KCNIP4: variants seen among roughly 807,000 people sequenced by gnomAD.
KCNIP4 encodes the protein Kv channel-interacting protein 4.
In KCNIP4, 12 loss-of-function variants were observed where a neutral mutation model predicts 34.0. The observed-to-expected ratio is 0.35, with a 90% CI of 0.23 to 0.57. The LOEUF is 0.57. KCNIP4 is among the 20% of genes least tolerant of loss of function. The pLI is 0.83. For synonymous variants in KCNIP4, 124 were observed against 102.2 expected (o/e 1.21, Z -1.29); for missense variants, 238 against 311.7 (o/e 0.76, Z 1.78).
At chr4:21,204,040 T>C (rs1756678688) in intron 1 of KCNIP4, among the ~76,000 whole-genome samples, 2 of 152,224 alleles carry the variant, frequency 1.3e-5, no homozygotes, top group South Asian at 4.1e-4. Context: ...TGGTTTCCAT[T>C]GCAAGGCATG....
intron 1 of KCNIP4, among the ~76,000 whole-genome samples, chr4:20,964,778 T>G (rs114146195): frequency 2.0e-5 from 3 of 152,132 alleles, no homozygotes; most frequent in African/African-American, 4.8e-5. Context: ...TTGAAGAAAA[T>G]CTAGAGCTAA....
chr4:20,859,127 C>T (rs1721927340), intron 2 of KCNIP4, among the ~76,000 whole-genome samples: 1 of 152,152 alleles, frequency 6.6e-6, no homozygotes, highest in South Asian at 2.1e-4. Context: ...CAGGAGATCA[C>T]CAGACCAGCA....
At chr4:20,947,236 T>C (rs915329479) in intron 1 of KCNIP4, among the ~76,000 whole-genome samples, 1 of 152,182 alleles carries the variant, frequency 6.6e-6, no homozygotes, top group African/African-American at 2.4e-5. Flanking sequence ...TGGTGCCATC[T>C]CGGCTCACCA....
intron 1 of KCNIP4, among the ~76,000 whole-genome samples, chr4:21,946,092 A>C (rs1730498506): frequency 6.6e-6 from 1 of 151,206 alleles, no homozygotes; most frequent in East Asian, 2.0e-4. Context: ...CAGAATTGCA[A>C]CTCGACTCTG....
intron 1 of KCNIP4, among the ~76,000 whole-genome samples, chr4:21,815,384 G>A (rs1367154253): frequency 6.6e-6 from 1 of 152,110 alleles, no homozygotes; most frequent in African/African-American, 2.4e-5. Context: ...AATGTTATAA[G>A]TTAGGTACCA....
chr4:21,295,545 C>T (rs1763789474), intron 1 of KCNIP4, among the ~76,000 whole-genome samples: 1 of 152,124 alleles, frequency 6.6e-6, no homozygotes, highest in African/African-American at 2.4e-5. Context: ...CTACACTAGC[C>T]TGCCTGTGCT....
intron 1 of KCNIP4, among the ~76,000 whole-genome samples, chr4:21,381,047 G>A (rs528679175): frequency 6.6e-6 from 1 of 152,296 alleles, no homozygotes; most frequent in South Asian, 2.1e-4. Context: ...AAAGGCAGCT[G>A]TGGGTGAAAT....
chr4:20,790,898 AAGAGAG>A (rs145551015), intron 3 of KCNIP4, among the ~76,000 whole-genome samples: 4 of 151,962 alleles, frequency 2.6e-5, no homozygotes, highest in African/African-American at 9.6e-5. Context: ...AAAGGAAGAA[AAGAGAG>A]AGAGAGAGAT....
At chr4:21,515,512 G>A (rs184848006) in intron 1 of KCNIP4, among the ~76,000 whole-genome samples, 12 of 152,162 alleles carry the variant, frequency 7.9e-5, no homozygotes, top group Admixed American at 3.3e-4. Flanking sequence ...CGTTGCAGGC[G>A]CCTGTAGTCC....
intron 1 of KCNIP4, among the ~76,000 whole-genome samples, chr4:20,935,549 G>T (rs1416969622): frequency 1.3e-5 from 2 of 152,024 alleles, no homozygotes; most frequent in Non-Finnish European, 2.9e-5. Context: ...TTCTGTCCAA[G>T]TTTTCCACCC....
At chr4:20,818,422 GA>G (rs1716685146) in intron 3 of KCNIP4, among the ~76,000 whole-genome samples, 1 of 152,180 alleles carries the variant, frequency 6.6e-6, no homozygotes, top group Non-Finnish European at 1.5e-5. Flanking sequence ...CTTATCAGAA[GA>G]AAAGCAGCCC....
intron 1 of KCNIP4, among the ~76,000 whole-genome samples, chr4:21,266,250 T>C (rs540229611): frequency 1.3e-5 from 2 of 152,306 alleles, no homozygotes; most frequent in East Asian, 1.9e-4. Flanking sequence ...TTACGAAGCG[T>C]ACAATGGAGA....
At chr4:21,281,963 C>T (rs1309798805) in intron 1 of KCNIP4, among the ~76,000 whole-genome samples, 1 of 152,196 alleles carries the variant, frequency 6.6e-6, no homozygotes, top group Non-Finnish European at 1.5e-5. Context: ...TCATCCATAA[C>T]CTTCAATTCT....
At chr4:21,810,548 G>A (rs1721576069) in intron 1 of KCNIP4, among the ~76,000 whole-genome samples, 1 of 152,036 alleles carries the variant, frequency 6.6e-6, no homozygotes, top group Admixed American at 6.6e-5. Flanking sequence ...AAACTAGCCG[G>A]GCATAGGGGC....
intron 1 of KCNIP4, among the ~76,000 whole-genome samples, chr4:21,894,707 G>C (rs1727286033): frequency 6.6e-6 from 1 of 151,774 alleles, no homozygotes; most frequent in African/African-American, 2.4e-5. Context: ...GTTTGGTACT[G>C]TTCTGTTATT....
chr4:21,833,291 T>C (rs1723109176), intron 1 of KCNIP4, among the ~76,000 whole-genome samples: 1 of 151,984 alleles, frequency 6.6e-6, no homozygotes, highest in Admixed American at 6.6e-5. Flanking sequence ...TTCTAACTGG[T>C]GTGAGATGGT....
intron 1 of KCNIP4, among the ~76,000 whole-genome samples, chr4:21,087,146 A>ATGTGTGTGTGTGTGTGTGTGTGTGTGTG (rs34874556): frequency 9.0e-6 from 1 of 110,924 alleles, no homozygotes; most frequent in Non-Finnish European, 1.8e-5. Flanking sequence ...CTGCTGGGTA[A>ATGTGTGTGTGTGTGTGTGTGTGTGTGTG]TGTGTGTGTG....
chr4:21,865,906 C>A (rs1725383229), intron 1 of KCNIP4, among the ~76,000 whole-genome samples: 1 of 133,992 alleles, frequency 7.5e-6, no homozygotes, highest in East Asian at 2.6e-4. Flanking sequence ...CATTTGCCAC[C>A]ATATATATAT....
chr4:21,322,589 G>C (rs752148546), intron 1 of KCNIP4, among the ~76,000 whole-genome samples: 36 of 152,206 alleles, frequency 2.4e-4, no homozygotes, highest in Non-Finnish European at 4.4e-4. Flanking sequence ...ATTGTTTGTA[G>C]CTGGCACCGG....
Sources: gnomAD v4.1 joint callset for allele counts (sites outside exome capture counted in the v4.1 genomes callset) on GRCh38, gnomAD v4.1.1 for gene constraint, MANE v1.5 for transcripts, NCBI Gene and HGNC (gene_info 2026-07-23, HGNC 2026-07-21) for gene names.